The following SLC22A16 variants were observed in gnomAD, a reference collection of about 807,000 sequenced individuals.
The protein encoded by SLC22A16 is WUGSC:RG331P03.1.
Under a neutral mutation model 52.9 loss-of-function variants are expected in SLC22A16, and 53 were observed. That is an observed-to-expected ratio of 1.00 (90% CI 0.80 to 1.26). The LOEUF (loss-of-function observed/expected upper bound fraction) is 1.26, where lower values mean the gene tolerates loss of function less well. Among genes scored for constraint, SLC22A16 ranks in the 50% most tolerant of loss-of-function variants. The pLI is 0.00. For synonymous variants in SLC22A16, 291 were observed against 268.8 expected, an observed-to-expected ratio of 1.08 and a Z score of -0.81; for missense variants, 726 against 704.0, an observed-to-expected ratio of 1.03 and a Z score of -0.35.
intron 7 of SLC22A16, among the ~76,000 whole-genome samples, chr6:110,430,627 A>G (rs143787938): frequency 6.6e-6 from 1 of 152,158 alleles, no homozygotes; most frequent in Admixed American, 6.5e-5. Flanking sequence ...CCCCTACCTG[A>G]GGATCTGCAA....
chr6:110,447,089 T>G, intron 2 of SLC22A16, 99 bp from the exon 3 acceptor site: 1 of 856,098 alleles, frequency 1.2e-6, no homozygotes, highest in Non-Finnish European at 1.9e-6. Flanking sequence ...CCTATATACC[T>G]TGAATAGCTT....
chr6:110,432,660 C>A (rs1311397067), intron 6 of SLC22A16, among the ~76,000 whole-genome samples: 1 of 152,202 alleles, frequency 6.6e-6, no homozygotes, highest in African/African-American at 2.4e-5. Context: ...GAGCCAAAGC[C>A]ACAACGCAAG....
At chr6:110,447,579 T>A (rs1353433318) in intron 2 of SLC22A16, among the ~76,000 whole-genome samples, 1 of 152,228 alleles carries the variant, frequency 6.6e-6, no homozygotes, top group Admixed American at 6.5e-5. Context: ...TTTGCAAGGT[T>A]GTGCAACCAT....
chr6:110,442,430 G>A lies in SLC22A16; in HGVS notation c.997C>T (p.Pro333Ser), dbSNP rs762481547. Reference sequence around the variant, plus strand: ...ACTTCAGTGGGGCTATTACTAACAGGACCTTGTAGGTCCAGTGATAAAAGT... The same window carrying A: ...ACTTCAGTGGGGCTATTACTAACAGAACCTTGTAGGTCCAGTGATAAAAGT... ...SELLSLDLQG[P>S]VSNSPTEVQK... The change falls in exon 4 of 8, where the codon CCT becomes TCT. Residue 333 changes from proline to serine, a missense_variant. Transcript: ENST00000368919. 1 of 1,614,196 alleles carries A rather than the reference G, an allele frequency of 6.2e-7. No individual in the cohort carries two copies. The highest frequency in any genetic ancestry group is 8.5e-7 in the Non-Finnish European group (1 of 1,180,038).
intron 1 of SLC22A16, among the ~76,000 whole-genome samples, chr6:110,472,430 A>G (rs982342369): frequency 2.0e-5 from 3 of 151,910 alleles, no homozygotes; most frequent in African/African-American, 7.3e-5. Context: ...TGATACCCAA[A>G]CTTTGCAAAA....
chr6:110,430,401 A>T (rs1016289533), intron 7 of SLC22A16, among the ~76,000 whole-genome samples: 1 of 151,598 alleles, frequency 6.6e-6, no homozygotes, highest in Admixed American at 6.6e-5. Context: ...GAGGTGATGC[A>T]TGCAGGGGGC....
intron 6 of SLC22A16, 42 bp downstream of exon 6, chr6:110,435,810 G>A: frequency 7.0e-7 from 1 of 1,420,050 alleles, no homozygotes; most frequent in Non-Finnish European, 9.8e-7. Context: ...ACACACAAGT[G>A]AAAGATAATA....
rs35343055 is a variant in SLC22A16 at position 110,442,344 on chromosome 6, G to A, written c.1083C>T (p.Thr361=). Reference sequence around the variant, plus strand: ...TTCCAGTGAACCAGATTAGCCAAACGGTAAGTGTCCTTTTCGTAATGCTCC... The same window carrying A: ...TTCCAGTGAACCAGATTAGCCAAACAGTAAGTGTCCTTTTCGTAATGCTCC... ...YNWSITKRTL[T]VWLIWFTGSL... Residue 361 remains threonine (T), a synonymous_variant, in exon 4 of 8, where the codon ACC becomes ACT. Transcript: ENST00000368919. The A allele has an allele frequency of 7.2e-4, 1,161 of 1,614,144 alleles. 5 individuals carry two copies. In the African/African-American group the frequency reaches 0.014, roughly 19 times the overall value.
At chr6:110,466,833 A>G (rs1776080449) in intron 1 of SLC22A16, among the ~76,000 whole-genome samples, 2 of 152,204 alleles carry the variant, frequency 1.3e-5, no homozygotes, top group Admixed American at 6.6e-5. Flanking sequence ...TTGTCTGTTT[A>G]TCACAGCACT....
At chr6:110,446,140 C>T (rs926706160) in intron 3 of SLC22A16, among the ~76,000 whole-genome samples, 3 of 152,236 alleles carry the variant, frequency 2.0e-5, no homozygotes, top group East Asian at 3.9e-4. Context: ...ATCACAAGCT[C>T]CTCCTCCAGA....
chr6:110,464,532 C>G (rs1353612558), intron 1 of SLC22A16, among the ~76,000 whole-genome samples: 3 of 151,954 alleles, frequency 2.0e-5, no homozygotes, highest in Non-Finnish European at 4.4e-5. Context: ...TAAGTGCACA[C>G]ACTAGAAAAC....
intron 5 of SLC22A16, among the ~76,000 whole-genome samples, chr6:110,436,359 T>A (rs998776338): frequency 6.6e-6 from 1 of 152,166 alleles, no homozygotes; most frequent in Non-Finnish European, 1.5e-5. Flanking sequence ...GCCTAATGGC[T>A]CACACCTGTA....
chr6:110,475,876 G>A (rs1265903399), intron 1 of SLC22A16: 2 of 455,626 alleles, frequency 4.4e-6, no homozygotes, highest in African/African-American at 4.0e-5. Context: ...TCCACCATGC[G>A]TTGGCTATGA....
rs563556736 is a variant in SLC22A16, at chr6:110,460,304, G to A, written c.54-3287C>T. On this transcript the variant is annotated intron_variant, in intron 1 of 7. Coordinates refer to ENST00000368919, the MANE Select transcript of SLC22A16 (RefSeq NM_033125.4). ...ATTCCAAAAGGACTTTCTTTATGTG[G>A]ATCATATTTATCACCTTTTATATAT... Among the ~76,000 whole-genome samples the A allele has an allele frequency of 5.9e-5, 9 of 152,186 alleles. No homozygotes were observed. The South Asian group carries it at 6.2e-4, about 11-fold the overall frequency.
At chr6:110,454,840 TTA>T (rs1775564843) in intron 2 of SLC22A16, among the ~76,000 whole-genome samples, 1 of 76,568 alleles carries the variant, frequency 1.3e-5, no homozygotes, top group Admixed American at 2.3e-4. Flanking sequence ...AATATATATA[TTA>T]TAATATATAT....
chr6:110,438,656 G>A, intron 5 of SLC22A16, 64 bp downstream of exon 5: 1 of 1,544,514 alleles, frequency 6.5e-7, no homozygotes, highest in East Asian at 2.3e-5. Flanking sequence ...ACTGTAATAA[G>A]CTAAATTCTT....
chr6:110,473,561 G>T (rs2114327017), intron 1 of SLC22A16, among the ~76,000 whole-genome samples: 2 of 118,686 alleles, frequency 1.7e-5, no homozygotes, highest in Non-Finnish European at 3.2e-5. Flanking sequence ...ATCTCGTTCT[G>T]TCGCCCGGGC....
intron 6 of SLC22A16, among the ~76,000 whole-genome samples, chr6:110,434,803 C>A (rs1010334324): frequency 2.6e-5 from 4 of 152,108 alleles, no homozygotes; most frequent in African/African-American, 9.7e-5. Flanking sequence ...CATGGTGAAA[C>A]CCCGTCTCTA....
At chr6:110,455,891 A>G (rs1477625422) in intron 2 of SLC22A16, 1 of 152,410 alleles carries the variant, frequency 6.6e-6, no homozygotes, top group African/African-American at 2.4e-5. Context: ...GGATGCAGCA[A>G]TAAGGCACCA....
Sources: allele counts gnomAD v4.1 joint callset (sites outside exome capture counted in the v4.1 genomes callset), GRCh38; gene constraint gnomAD v4.1.1; transcripts MANE v1.5; gene names NCBI Gene and HGNC (gene_info 2026-07-23, HGNC 2026-07-21).